NKAIN2: variants seen among roughly 807,000 people sequenced by gnomAD.
The protein encoded by NKAIN2 is sodium/potassium transporting ATPase interacting 2.
NKAIN2 carries 14 observed loss-of-function variants against 32.6 expected under a neutral mutation model. The observed-to-expected ratio is 0.43, with a 90% CI of 0.28 to 0.67. The LOEUF (loss-of-function observed/expected upper bound fraction) is 0.67. Among genes scored for constraint, NKAIN2 ranks in the 30% least tolerant of loss-of-function variants. The probability of loss-of-function intolerance (pLI) is 0.17; values close to 1 mark genes in which losing one functional copy is unlikely to be tolerated. For synonymous variants in NKAIN2, 80 were observed against 87.2 expected, an observed-to-expected ratio of 0.92 and a Z score of 0.46; for missense variants, 198 against 258.3, an observed-to-expected ratio of 0.77 and a Z score of 1.60.
At chr6:124,324,464 A>G (rs1797335817) in intron 2 of NKAIN2, among the ~76,000 whole-genome samples, 1 of 152,134 alleles carries the variant, frequency 6.6e-6, no homozygotes, top group East Asian at 1.9e-4. Context: ...AACTCATTTA[A>G]TATTTCTAAT....
At chr6:124,031,198 A>G (rs1427376350) in intron 1 of NKAIN2, among the ~76,000 whole-genome samples, 1 of 152,170 alleles carries the variant, frequency 6.6e-6, no homozygotes, top group East Asian at 1.9e-4. Flanking sequence ...CGTGGCCAGC[A>G]GTAACCATTC....
chr6:124,754,475 T>TC (rs1484711404), intron 4 of NKAIN2, among the ~76,000 whole-genome samples: 1 of 152,078 alleles, frequency 6.6e-6, no homozygotes, highest in Non-Finnish European at 1.5e-5. Context: ...CACTTTTTTT[T>TC]CCATATGATT....
chr6:123,995,175 A>G (rs2114698210), intron 1 of NKAIN2, among the ~76,000 whole-genome samples: 1 of 152,196 alleles, frequency 6.6e-6, no homozygotes, highest in East Asian at 1.9e-4. Flanking sequence ...ACATTACAAT[A>G]TACTGGGGGA....
intron 1 of NKAIN2, among the ~76,000 whole-genome samples, chr6:124,254,037 G>A (rs534615722): frequency 6.6e-5 from 10 of 151,530 alleles, no homozygotes; most frequent in African/African-American, 1.5e-4. Context: ...AGATGGTCTC[G>A]TTCTCTTGAC....
At chr6:124,342,835 A>ATTATTATTATTGTTATTG (rs1554284883) in intron 2 of NKAIN2, among the ~76,000 whole-genome samples, 2 of 149,858 alleles carry the variant, frequency 1.3e-5, no homozygotes, top group African/African-American at 4.9e-5. Context: ...TATTATTATT[A>ATTATTATTATTGTTATTG]TTATTATTAT....
intron 1 of NKAIN2, among the ~76,000 whole-genome samples, chr6:124,060,108 C>T (rs912617972): frequency 3.9e-5 from 6 of 152,120 alleles, no homozygotes; most frequent in Non-Finnish European, 7.4e-5. Flanking sequence ...GATGTGCTCT[C>T]GAGAAATATC....
chr6:124,360,471 T>A (rs1799234748), intron 3 of NKAIN2, among the ~76,000 whole-genome samples: 1 of 152,172 alleles, frequency 6.6e-6, no homozygotes. Context: ...CTAACCCTTT[T>A]GATCATGTTT....
chr6:124,373,531 A>G (rs944351840), intron 3 of NKAIN2, among the ~76,000 whole-genome samples: 2 of 152,166 alleles, frequency 1.3e-5, no homozygotes, highest in Non-Finnish European at 2.9e-5. Context: ...GGCACATGAA[A>G]GAATGAGATT....
intron 2 of NKAIN2, among the ~76,000 whole-genome samples, chr6:124,293,086 G>T (rs1027202764): frequency 1.3e-5 from 2 of 152,048 alleles, no homozygotes; most frequent in Non-Finnish European, 2.9e-5. Context: ...CTTTTTAGCA[G>T]TCTGCTTACT....
intron 3 of NKAIN2, among the ~76,000 whole-genome samples, chr6:124,524,262 ATGTT>A (rs1000186756): frequency 4.2e-4 from 64 of 152,304 alleles, no homozygotes; most frequent in African/African-American, 1.5e-3. Context: ...ATGTTATAGT[ATGTT>A]TATTGTTCAT....
intron 1 of NKAIN2, among the ~76,000 whole-genome samples, chr6:124,086,424 G>A (rs1295813213): frequency 9.2e-5 from 14 of 152,038 alleles, no homozygotes; most frequent in East Asian, 7.7e-4. Context: ...GCCCAATGAC[G>A]TAAAATTGTA....
At chr6:124,463,777 C>T (rs937374033) in intron 3 of NKAIN2, among the ~76,000 whole-genome samples, 3 of 151,956 alleles carry the variant, frequency 2.0e-5, no homozygotes, top group Admixed American at 1.3e-4. Flanking sequence ...TTAAAGATTG[C>T]TTTGTGTTTT....
chr6:124,356,671 G>A (rs1798995593), intron 3 of NKAIN2, among the ~76,000 whole-genome samples: 1 of 152,088 alleles, frequency 6.6e-6, no homozygotes, highest in South Asian at 2.1e-4. Context: ...GTGGCTCTAG[G>A]AGGGACCCAG....
At chr6:124,301,367 C>T (rs115521266) in intron 2 of NKAIN2, among the ~76,000 whole-genome samples, 24 of 152,308 alleles carry the variant, frequency 1.6e-4, no homozygotes, top group African/African-American at 5.8e-4. Flanking sequence ...AGGCGCAGAA[C>T]CCTCGTGGGG....
intron 1 of NKAIN2, among the ~76,000 whole-genome samples, chr6:124,153,056 G>A (rs1332144384): frequency 1.3e-5 from 2 of 151,822 alleles, no homozygotes; most frequent in African/African-American, 4.8e-5. Context: ...AATACAGTTA[G>A]ATAGAAGGAA....
intron 1 of NKAIN2, among the ~76,000 whole-genome samples, chr6:124,197,215 A>G (rs932516888): frequency 6.6e-6 from 1 of 151,882 alleles, no homozygotes; most frequent in Non-Finnish European, 1.5e-5. Flanking sequence ...TGCTAAATTC[A>G]TAAGTGTTTT....
intron 3 of NKAIN2, among the ~76,000 whole-genome samples, chr6:124,505,505 A>T (rs895194799): frequency 6.6e-6 from 1 of 152,234 alleles, no homozygotes; most frequent in African/African-American, 2.4e-5. Flanking sequence ...GCAGAGAAAG[A>T]AGAAGCTTTT....
chr6:124,810,115 C>T (rs1430486712), intron 5 of NKAIN2, among the ~76,000 whole-genome samples: 1 of 152,054 alleles, frequency 6.6e-6, no homozygotes, highest in African/African-American at 2.4e-5. Context: ...CCATTTGACC[C>T]AGCCATCCCA....
chr6:124,053,430 AAC>A (rs1441313981), intron 1 of NKAIN2, among the ~76,000 whole-genome samples: 8 of 152,190 alleles, frequency 5.3e-5, no homozygotes, highest in African/African-American at 1.9e-4. Flanking sequence ...CTAAGCATTA[AAC>A]ACCACCTGTC....
Sources: gnomAD v4.1 joint callset for allele counts (sites outside exome capture counted in the v4.1 genomes callset) on GRCh38, gnomAD v4.1.1 for gene constraint, MANE v1.5 for transcripts, NCBI Gene and HGNC (gene_info 2026-07-23, HGNC 2026-07-21) for gene names.